Variants in EIPR1 observed in about 807,000 individuals in gnomAD.
EIPR1 encodes EARP and GARP complex-interacting protein 1.
A neutral mutation model predicts 48.1 loss-of-function variants in EIPR1; 25 were observed. The ratio of observed to expected loss-of-function variants is 0.52; its 90% confidence interval spans 0.38 to 0.73. The LOEUF is 0.73. Ranked by LOEUF, EIPR1 falls within the 30% of genes least tolerant of loss-of-function variation. The pLI, the probability that EIPR1 is intolerant of heterozygous loss-of-function variation, is 0.00. For missense variants in EIPR1, 415 were observed against 506.2 expected (o/e 0.82, Z 1.73); for synonymous variants, 204 against 201.9 (o/e 1.01, Z -0.09).
intron 7 of EIPR1, among the ~76,000 whole-genome samples, chr2:3,192,870 GAAA>G (rs5828967): frequency 2.1e-5 from 3 of 145,110 alleles, no homozygotes; most frequent in Middle Eastern, 3.5e-3. Context: ...TCTAAAATTC[GAAA>G]AAAAAAAAAA....
At chr2:3,354,820 T>C (rs758686976) in intron 1 of EIPR1, among the ~76,000 whole-genome samples, 187 bp from the exon 2 acceptor site, 5 of 152,214 alleles carry the variant, frequency 3.3e-5, no homozygotes, top group Non-Finnish European at 7.3e-5. Flanking sequence ...TTCAACACAA[T>C]TCCACTTCAA....
At chr2:3,291,525 AC>A (rs1668365721) in intron 3 of EIPR1, among the ~76,000 whole-genome samples, 1 of 152,220 alleles carries the variant, frequency 6.6e-6, no homozygotes, top group Non-Finnish European at 1.5e-5. Context: ...TATCATAAAA[AC>A]GTCATAATTT....
chr2:3,349,969 T>C (rs535674992), intron 2 of EIPR1, among the ~76,000 whole-genome samples: 2 of 151,720 alleles, frequency 1.3e-5, no homozygotes, highest in South Asian at 4.2e-4. Flanking sequence ...ACTAAAAATA[T>C]AAAAATTAGC....
intron 5 of EIPR1, among the ~76,000 whole-genome samples, chr2:3,200,108 G>A (rs1460727170): frequency 6.6e-6 from 1 of 152,110 alleles, no homozygotes. Flanking sequence ...TAGCCATGGT[G>A]ATAGTCAGAG....
At chr2:3,270,496 CT>C (rs1667672762) in intron 3 of EIPR1, among the ~76,000 whole-genome samples, 1 of 152,192 alleles carries the variant, frequency 6.6e-6, no homozygotes, top group South Asian at 2.1e-4. Flanking sequence ...CACAGGCACA[CT>C]TATTGCAGGC....
At chr2:3,218,297 C>T (rs1436532973) in intron 4 of EIPR1, among the ~76,000 whole-genome samples, 4 of 149,688 alleles carry the variant, frequency 2.7e-5, no homozygotes, top group Non-Finnish European at 5.9e-5. Flanking sequence ...GGCCCTGATA[C>T]ACTCTAGAGC....
At chr2:3,192,297 A>C in intron 8 of EIPR1, 117 bp downstream of exon 8, 1 of 1,232,178 alleles carries the variant, frequency 8.1e-7, no homozygotes, top group Non-Finnish European at 1.1e-6. Flanking sequence ...GGGTAAGGAG[A>C]GTGTCCCCCA....
chr2:3,334,866 AAG>A (rs1669998454), intron 3 of EIPR1, among the ~76,000 whole-genome samples: 2 of 152,222 alleles, frequency 1.3e-5, no homozygotes, highest in South Asian at 4.1e-4. Context: ...GTCTGGCAGA[AAG>A]AGTCAGTCTC....
intron 2 of EIPR1, among the ~76,000 whole-genome samples, chr2:3,348,243 T>G (rs1319921563): frequency 6.6e-6 from 1 of 152,092 alleles, no homozygotes; most frequent in Non-Finnish European, 1.5e-5. Flanking sequence ...GTGACATCAG[T>G]CTTTTCACTG....
chr2:3,345,981 A>T (rs1343081238), intron 2 of EIPR1, among the ~76,000 whole-genome samples: 1 of 152,038 alleles, frequency 6.6e-6, no homozygotes, highest in Non-Finnish European at 1.5e-5. Flanking sequence ...TGCCAGAGAA[A>T]TGCGTTAAGG....
chr2:3,219,816 G>C (rs1158048954), intron 4 of EIPR1, among the ~76,000 whole-genome samples: 1 of 152,204 alleles, frequency 6.6e-6, no homozygotes, highest in Non-Finnish European at 1.5e-5. Context: ...GTACACTCTA[G>C]AGCATTCACA....
intron 5 of EIPR1, among the ~76,000 whole-genome samples, chr2:3,204,139 G>C (rs1191538790): frequency 2.0e-5 from 3 of 152,248 alleles, no homozygotes; most frequent in African/African-American, 7.2e-5. Context: ...GACCCTGATG[G>C]ATCTCAGCAG....
intron 3 of EIPR1, among the ~76,000 whole-genome samples, chr2:3,322,868 G>C (rs1162766989): frequency 1.3e-5 from 2 of 152,208 alleles, no homozygotes; most frequent in African/African-American, 2.4e-5. Context: ...CTTAAGGCAG[G>C]GCCCTGTCCC....
At chr2:3,353,937 T>G (rs1670654135) in intron 2 of EIPR1, among the ~76,000 whole-genome samples, 1 of 152,182 alleles carries the variant, frequency 6.6e-6, no homozygotes, top group African/African-American at 2.4e-5. Context: ...ATGCACATCT[T>G]TGCAATCACC....
chr2:3,365,480 CTT>C (rs11305564), intron 1 of EIPR1, among the ~76,000 whole-genome samples: 11,777 of 146,584 alleles, frequency 0.08, 518 homozygotes, highest in African/African-American at 0.12. Context: ...TCAGAAAAAG[CTT>C]TTTTTTTTTT....
chr2:3,334,214 A>G (rs1395790571), intron 3 of EIPR1, among the ~76,000 whole-genome samples: 1 of 152,234 alleles, frequency 6.6e-6, no homozygotes, highest in Non-Finnish European at 1.5e-5. Flanking sequence ...CAATAGGAGA[A>G]AACACTACTG....
intron 3 of EIPR1, among the ~76,000 whole-genome samples, chr2:3,315,215 A>G (rs1572431294): frequency 1.5e-5 from 1 of 65,184 alleles, no homozygotes; most frequent in Non-Finnish European, 2.7e-5. Flanking sequence ...CACACCCCCT[A>G]CCACCACCAT....
At chr2:3,269,553 C>T (rs1185855101) in intron 3 of EIPR1, among the ~76,000 whole-genome samples, 1 of 126,778 alleles carries the variant, frequency 7.9e-6, no homozygotes, top group Admixed American at 7.8e-5. Context: ...ACTCAGTCAT[C>T]GCACTCAGTC....
At chr2:3,341,029 G>A (rs1168153635) in intron 2 of EIPR1, among the ~76,000 whole-genome samples, 1 of 149,278 alleles carries the variant, frequency 6.7e-6, no homozygotes, top group Non-Finnish European at 1.5e-5. Flanking sequence ...GCCTGGAGGG[G>A]GAGGTGCAGT....
Sources: allele counts gnomAD v4.1 joint callset (sites outside exome capture counted in the v4.1 genomes callset), GRCh38; gene constraint gnomAD v4.1.1; transcripts MANE v1.5; gene names NCBI Gene and HGNC (gene_info 2026-07-23, HGNC 2026-07-21).